RALYL: variants seen among roughly 807,000 people sequenced by gnomAD.
RALYL encodes the protein RNA-binding Raly-like protein.
In RALYL, 29 loss-of-function variants were observed where a neutral mutation model predicts 35.1. That is an observed-to-expected ratio of 0.83 (90% CI 0.61 to 1.13). The LOEUF is 1.13. Among genes scored for constraint, RALYL ranks in the 50% most tolerant of loss-of-function variants. The probability of loss-of-function intolerance (pLI) is 0.00; values close to 1 mark genes in which losing one functional copy is unlikely to be tolerated. For missense variants in RALYL, 359 were observed against 360.4 expected, an observed-to-expected ratio of 1.00 and a Z score of 0.03; for synonymous variants, 120 against 127.6, an observed-to-expected ratio of 0.94 and a Z score of 0.40.
intron 2 of RALYL, among the ~76,000 whole-genome samples, chr8:84,709,520 A>G (rs1476401498): frequency 1.3e-5 from 2 of 152,102 alleles, no homozygotes; most frequent in African/African-American, 4.8e-5. Context: ...AAGGTGGTGT[A>G]CTGCATTTGT....
intron 1 of RALYL, among the ~76,000 whole-genome samples, chr8:84,357,263 A>G (rs1852022743): frequency 6.6e-6 from 1 of 152,028 alleles, no homozygotes; most frequent in Admixed American, 6.6e-5. Context: ...AAAAGGTATA[A>G]TTTACATACT....
chr8:84,900,240 A>C (rs1352496265), intron 8 of RALYL, among the ~76,000 whole-genome samples: 1 of 152,208 alleles, frequency 6.6e-6, no homozygotes, highest in Non-Finnish European at 1.5e-5. Flanking sequence ...TTAAATATAC[A>C]AAAATAGGAA....
intron 3 of RALYL, among the ~76,000 whole-genome samples, chr8:84,784,962 C>A (rs761700654): frequency 1.1e-4 from 16 of 152,104 alleles, no homozygotes; most frequent in Non-Finnish European, 2.2e-4. Context: ...CCAAATATCA[C>A]AATACTTAGG....
intron 2 of RALYL, among the ~76,000 whole-genome samples, chr8:84,649,746 A>G (rs1203713928): frequency 6.6e-6 from 1 of 151,998 alleles, no homozygotes; most frequent in Non-Finnish European, 1.5e-5. Flanking sequence ...TTGGCTTAGG[A>G]TTGACTTGGT....
chr8:84,735,811 C>CGCGA lies in RALYL; in HGVS notation c.257-38767_257-38766insCGAG, dbSNP rs375557914. ...CCATTCCTTAAGATCATCCAAACCGCGAGAGAGAGAGAGAGAGAGAGAGAG... is the reference window on the plus strand; with the variant it reads ...CCATTCCTTAAGATCATCCAAACCGCGCGAGAGAGAGAGAGAGAGAGAGAGAGAG... On this transcript the variant is annotated intron_variant, in intron 2 of 8. Coordinates refer to ENST00000521268, the MANE Select transcript of RALYL (RefSeq NM_173848.7). 2.4e-4 allele frequency among the ~76,000 whole-genome samples: 27 copies of CGCGA among 111,390 alleles called. No homozygotes were observed. The South Asian group carries it at 4.2e-3, about 17-fold the overall frequency. The allele number at this position is 111,390 out of a possible 152,430, so 73.1% of individuals were successfully genotyped here. A position where few individuals can be genotyped will look rare whatever the true frequency, so the allele number is the denominator to read the frequency against.
chr8:84,535,438 C>CTTTT (rs35056318), intron 2 of RALYL, among the ~76,000 whole-genome samples: 3 of 134,614 alleles, frequency 2.2e-5, no homozygotes, highest in Non-Finnish European at 3.1e-5. Flanking sequence ...GCATCCCTGC[C>CTTTT]TTTTTTTTTT....
intron 4 of RALYL, among the ~76,000 whole-genome samples, chr8:84,820,052 T>C (rs919884436): frequency 1.3e-5 from 2 of 151,810 alleles, no homozygotes; most frequent in Non-Finnish European, 2.9e-5. Context: ...TATTAGAGAG[T>C]GAGAGAGAGA....
At chr8:84,558,830 G>C (rs2061302505) in intron 2 of RALYL, among the ~76,000 whole-genome samples, 1 of 151,998 alleles carries the variant, frequency 6.6e-6, no homozygotes, top group Non-Finnish European at 1.5e-5. Context: ...TTTTGTCCTT[G>C]GCACCATGGT....
intron 4 of RALYL, among the ~76,000 whole-genome samples, chr8:84,839,101 G>A (rs964936454): frequency 6.6e-6 from 1 of 152,218 alleles, no homozygotes; most frequent in African/African-American, 2.4e-5. Flanking sequence ...CATCTCACTG[G>A]AGAGTGTCAG....
chr8:84,803,923 A>G (rs113119417), intron 3 of RALYL, among the ~76,000 whole-genome samples: 2 of 152,222 alleles, frequency 1.3e-5, no homozygotes, highest in Admixed American at 1.3e-4. Flanking sequence ...CAGTTCGCCT[A>G]CATTTCACCC....
At chr8:84,328,469 CA>C (rs1846228526) in intron 1 of RALYL, among the ~76,000 whole-genome samples, 1 of 152,156 alleles carries the variant, frequency 6.6e-6, no homozygotes, top group Non-Finnish European at 1.5e-5. Flanking sequence ...TTTCACATGT[CA>C]ACAGCAATCA....
intron 6 of RALYL, among the ~76,000 whole-genome samples, chr8:84,864,042 T>C (rs758204534): frequency 2.6e-5 from 4 of 152,172 alleles, no homozygotes; most frequent in Non-Finnish European, 5.9e-5. Context: ...GAAGGGACTT[T>C]TATAGAAAGA....
At chr8:84,477,901 A>G (rs2053606715) in intron 1 of RALYL, among the ~76,000 whole-genome samples, 1 of 152,092 alleles carries the variant, frequency 6.6e-6, no homozygotes, top group Non-Finnish European at 1.5e-5. Flanking sequence ...ATGCAAGTGT[A>G]AGAATATCAG....
intron 2 of RALYL, among the ~76,000 whole-genome samples, chr8:84,557,986 T>C (rs1270087903): frequency 6.6e-6 from 1 of 152,164 alleles, no homozygotes; most frequent in Non-Finnish European, 1.5e-5. Flanking sequence ...TGTTACTTAG[T>C]TTCGTGATCC....
intron 1 of RALYL, among the ~76,000 whole-genome samples, chr8:84,280,484 C>G (rs1836320951): frequency 6.6e-6 from 1 of 151,862 alleles, no homozygotes; most frequent in African/African-American, 2.4e-5. Flanking sequence ...AAAGTTTAAA[C>G]AAAATTAGTT....
intron 4 of RALYL, among the ~76,000 whole-genome samples, chr8:84,845,719 G>A (rs939165005): frequency 3.3e-5 from 5 of 150,334 alleles, no homozygotes; most frequent in African/African-American, 7.3e-5. Context: ...TTTTGAAAAC[G>A]TAGCCAATAT....
At chr8:84,244,279 A>G (rs1828620319) in intron 1 of RALYL, among the ~76,000 whole-genome samples, 2 of 152,210 alleles carry the variant, frequency 1.3e-5, no homozygotes, top group Non-Finnish European at 2.9e-5. Flanking sequence ...ACATAAGAAT[A>G]CAGAATTCTT....
At chr8:84,377,904 C>T (rs1857245184) in intron 1 of RALYL, among the ~76,000 whole-genome samples, 1 of 151,668 alleles carries the variant, frequency 6.6e-6, no homozygotes, top group Admixed American at 6.6e-5. Context: ...CAATGTTCAC[C>T]ATCATGAAGA....
chr8:84,838,868 T>C (rs1380239427), intron 4 of RALYL, among the ~76,000 whole-genome samples: 1 of 152,266 alleles, frequency 6.6e-6, no homozygotes, highest in African/African-American at 2.4e-5. Context: ...ATATTAATAA[T>C]GCCTTTATAA....
Sources: allele counts gnomAD v4.1 joint callset (sites outside exome capture counted in the v4.1 genomes callset), GRCh38; gene constraint gnomAD v4.1.1; transcripts MANE v1.5; gene names NCBI Gene and HGNC (gene_info 2026-07-23, HGNC 2026-07-21).